The following ITGAV variants were observed in gnomAD, a reference collection of about 807,000 sequenced individuals.
ITGAV encodes the protein integrin alpha-V.
A neutral mutation model predicts 143.8 loss-of-function variants in ITGAV; 76 were observed. The ratio of observed to expected loss-of-function variants is 0.53; its 90% CI spans 0.44 to 0.64. The LOEUF (loss-of-function observed/expected upper bound fraction) is 0.64, where lower values mean the gene tolerates loss of function less well. Ranked by LOEUF, ITGAV falls within the 30% of genes least tolerant of loss-of-function variation. The probability of loss-of-function intolerance (pLI) is 0.00; values close to 1 mark genes in which losing one functional copy is unlikely to be tolerated. For missense variants in ITGAV, 1,193 were observed against 1,274.7 expected (o/e 0.94, Z 0.98); for synonymous variants, 453 against 446.7 (o/e 1.01, Z -0.18).
At chr2:186,608,400 T>G (rs1375928146) in intron 2 of ITGAV, among the ~76,000 whole-genome samples, 1 of 152,212 alleles carries the variant, frequency 6.6e-6, no homozygotes, top group Non-Finnish European at 1.5e-5. Flanking sequence ...AGTAACTATA[T>G]TCCTTCCTAC....
chr2:186,635,503 A>G (rs1226962699), intron 6 of ITGAV, among the ~76,000 whole-genome samples: 1 of 152,200 alleles, frequency 6.6e-6, no homozygotes, highest in African/African-American at 2.4e-5. Context: ...AACAGCAGAA[A>G]TGATAAGAGA....
At chr2:186,619,891 C>T (rs1687475363) in intron 2 of ITGAV, among the ~76,000 whole-genome samples, 1 of 152,014 alleles carries the variant, frequency 6.6e-6, no homozygotes, top group East Asian at 1.9e-4. Context: ...ACTTGGGAGG[C>T]TGAGGCAGGA....
At chr2:186,605,005 G>C (rs1217187722) in intron 2 of ITGAV, among the ~76,000 whole-genome samples, 1 of 152,174 alleles carries the variant, frequency 6.6e-6, no homozygotes, top group African/African-American at 2.4e-5. Context: ...TTCTGAATTA[G>C]GGCATTGCCA....
At position 186,607,405 on chromosome 2, in the gene ITGAV, A is replaced by G. The variant is rs1275485859; in HGVS notation, c.316+5254A>G. Reference sequence around the variant, plus strand: ...GCCCATGTGACTTTTTCTGGCCCATAAAACATAAGGAGAATTGTGTCATTT... The same window carrying G: ...GCCCATGTGACTTTTTCTGGCCCATGAAACATAAGGAGAATTGTGTCATTT... On this transcript the variant is annotated intron_variant, in intron 2 of 29. Transcript: ENST00000261023. 2.6e-5 allele frequency among the ~76,000 whole-genome samples: 4 copies of G among 152,124 alleles called. No homozygotes were observed. The East Asian group carries it at 7.7e-4, about 29-fold the overall frequency.
At chr2:186,602,263 C>A in intron 2 of ITGAV, 112 bp downstream of exon 2, 3 of 707,258 alleles carry the variant, frequency 4.2e-6, no homozygotes, top group South Asian at 2.7e-5. Flanking sequence ...AGCACCTCAG[C>A]TTCACAGGGA....
At chr2:186,601,745 A>G (rs1467662826) in intron 1 of ITGAV, among the ~76,000 whole-genome samples, 2 of 152,164 alleles carry the variant, frequency 1.3e-5, no homozygotes, top group Admixed American at 6.5e-5. Flanking sequence ...TAAACTGTAC[A>G]TATTTAAAGT....
chr2:186,603,109 C>G (rs1281680316), intron 2 of ITGAV, among the ~76,000 whole-genome samples: 1 of 152,074 alleles, frequency 6.6e-6, no homozygotes, highest in African/African-American at 2.4e-5. Flanking sequence ...ATGCAGAATT[C>G]TGTACGCATT....
chr2:186,670,094 A>G, intron 26 of ITGAV: 1 of 378,838 alleles, frequency 2.6e-6, no homozygotes, highest in Non-Finnish European at 4.8e-6. Context: ...GCCTCCTCCT[A>G]ATCTCTGAGG....
intron 24 of ITGAV, among the ~76,000 whole-genome samples, chr2:186,668,185 C>CATACAT (rs1553505648): frequency 5.2e-5 from 1 of 19,074 alleles, no homozygotes; most frequent in African/African-American, 2.0e-4. Flanking sequence ...TACATACATA[C>CATACAT]ATATATATAT....
intron 26 of ITGAV, among the ~76,000 whole-genome samples, chr2:186,674,936 G>C (rs890241139): frequency 6.6e-6 from 1 of 152,182 alleles, no homozygotes; most frequent in Admixed American, 6.5e-5. Flanking sequence ...GATATTAGCT[G>C]TGGGCTTTTT....
Position 186,590,382 on chromosome 2 carries a change from G to A in ITGAV, c.44G>A (p.Gly15Asp). 6.3e-7 allele frequency: 1 copy of A among 1,598,498 alleles called. No individual in the cohort carries two copies. The highest frequency in any genetic ancestry group is 8.5e-7 in the Non-Finnish European group (1 of 1,173,820). The stretch of plus-strand genomic sequence containing the variant: ...CGACGGCTGCGCCTCGGTCCCCGCG[G>A]CCTCCCGCTTCTTCTCTCGGGACTC... ...PRRRLRLGPR[G>D]LPLLLSGLLL... Residue 15 changes from glycine to aspartate, a missense_variant, in exon 1 of 30, where the codon GGC (glycine) becomes GAC (aspartate). By Grantham distance (94) the Gly-to-Asp change is moderately conservative (BLOSUM62 -1). Transcript: ENST00000261023.
chr2:186,628,021 C>G (rs561876515), intron 4 of ITGAV, among the ~76,000 whole-genome samples: 1 of 152,218 alleles, frequency 6.6e-6, no homozygotes, highest in South Asian at 2.1e-4. Context: ...GAGCGGAAGT[C>G]TGAGAACCTG....
At chr2:186,607,620 T>C (rs1687104639) in intron 2 of ITGAV, among the ~76,000 whole-genome samples, 1 of 152,124 alleles carries the variant, frequency 6.6e-6, no homozygotes, top group South Asian at 2.1e-4. Context: ...CTACTTGAGA[T>C]TTGGGGGATG....
chr2:186,668,730 A>C (rs756412042), intron 24 of ITGAV, 32 bp from the exon 25 acceptor site: 36 of 1,599,124 alleles, frequency 2.3e-5, no homozygotes, highest in Non-Finnish European at 3.1e-5. Context: ...TTTTTGCCCA[A>C]GGTGTAGATA....
At chr2:186,602,576 G>T (rs1334555257) in intron 2 of ITGAV, among the ~76,000 whole-genome samples, 1 of 152,152 alleles carries the variant, frequency 6.6e-6, no homozygotes, top group Non-Finnish European at 1.5e-5. Context: ...CTTAGGCTGT[G>T]CTATAAAAAG....
At position 186,668,940 on chromosome 2, in the gene ITGAV, C is replaced by T. The variant is rs1688987884; in HGVS notation, c.2592+20C>T. 1.9e-6 allele frequency: 3 copies of T among 1,545,256 alleles called. No individual in the cohort carries two copies. Among genetic ancestry groups the T allele is most frequent in the Non-Finnish European group, 2.6e-6 (3 of 1,137,808 alleles). ...ATTAAGGTAATATGCTTAATAGCAG[C>T]TCTTCATTACAATGATATTTCATTG... On this transcript the variant is annotated intron_variant, in intron 25 of 29. Transcript: ENST00000261023.
intron 11 of ITGAV, 110 bp from the exon 12 acceptor site, chr2:186,641,276 G>C: frequency 2.1e-5 from 16 of 776,206 alleles, no homozygotes; most frequent in Non-Finnish European, 3.4e-5. Flanking sequence ...GTGTTTCACT[G>C]TGGGTGTGAG....
intron 2 of ITGAV, among the ~76,000 whole-genome samples, chr2:186,603,677 C>T (rs533739919): frequency 1.3e-5 from 2 of 152,046 alleles, no homozygotes; most frequent in Non-Finnish European, 2.9e-5. Context: ...TTTGATAGGT[C>T]GAACTCTTCA....
In ITGAV at chr2:186,590,261, C is replaced by G; in HGVS notation, c.-78C>G. ...GTTTGGGCGCGCGCAGGCGGCGGGC[C>G]GCGGGCACTGGGCGCCTCGCTGGGG... On this transcript the variant is annotated 5_prime_UTR_variant, in exon 1 of 30. Coordinates refer to ENST00000261023, the MANE Select transcript of ITGAV (RefSeq NM_002210.5). 4.8e-6 allele frequency: 6 copies of G among 1,252,758 alleles called. No individual in the cohort carries two copies. Among genetic ancestry groups the G allele is most frequent in the Non-Finnish European group, 6.2e-6 (6 of 970,082 alleles). 77.6% of individuals were successfully genotyped at this position (1,252,758 alleles called of 1,614,324 possible).
Sources: gnomAD v4.1 joint callset for allele counts (sites outside exome capture counted in the v4.1 genomes callset) on GRCh38, gnomAD v4.1.1 for gene constraint, MANE v1.5 for transcripts, NCBI Gene and HGNC (gene_info 2026-07-23, HGNC 2026-07-21) for gene names.